The following PLCB1 variants were observed in gnomAD, a reference collection of about 807,000 sequenced individuals.
PLCB1 encodes the protein 1-phosphatidylinositol 4,5-bisphosphate phosphodiesterase beta-1.
A neutral mutation model predicts 161.8 loss-of-function variants in PLCB1; 46 were observed. The observed-to-expected ratio is 0.28, with a 90% CI of 0.22 to 0.36. The LOEUF (loss-of-function observed/expected upper bound fraction) is 0.36, where lower values mean the gene tolerates loss of function less well. Ranked by LOEUF, PLCB1 falls within the 10% of genes least tolerant of loss-of-function variation. The probability of loss-of-function intolerance (pLI) is 1.00; values close to 1 mark genes in which losing one functional copy is unlikely to be tolerated. For missense variants in PLCB1, 1,016 were observed against 1,472.5 expected, an observed-to-expected ratio of 0.69 and a Z score of 5.07; for synonymous variants, 517 against 503.7, an observed-to-expected ratio of 1.03 and a Z score of -0.35.
At chr20:8,275,246 C>CGT (rs1209090719) in intron 2 of PLCB1, among the ~76,000 whole-genome samples, 1 of 50,870 alleles carries the variant, frequency 2.0e-5, no homozygotes, top group Non-Finnish European at 3.8e-5. Context: ...TTTGCATCAG[C>CGT]GTGAGTGTGT....
intron 11 of PLCB1, among the ~76,000 whole-genome samples, chr20:8,706,224 C>G (rs1337073674): frequency 6.6e-6 from 1 of 152,202 alleles, no homozygotes; most frequent in East Asian, 1.9e-4. Flanking sequence ...CATGATGGGT[C>G]TTTAAGACTC....
At chr20:8,140,943 C>A (rs901009084) in intron 1 of PLCB1, among the ~76,000 whole-genome samples, 1 of 152,072 alleles carries the variant, frequency 6.6e-6, no homozygotes, top group African/African-American at 2.4e-5. Context: ...AGATTACAGG[C>A]TTGTGCCACC....
At chr20:8,485,784 T>C (rs1982694613) in intron 3 of PLCB1, among the ~76,000 whole-genome samples, 1 of 152,196 alleles carries the variant, frequency 6.6e-6, no homozygotes, top group African/African-American at 2.4e-5. Context: ...AGGGAAAGCA[T>C]TAAAAATCTA....
At chr20:8,428,072 T>C (rs1979864027) in intron 3 of PLCB1, among the ~76,000 whole-genome samples, 1 of 152,142 alleles carries the variant, frequency 6.6e-6, no homozygotes, top group South Asian at 2.1e-4. Context: ...TTTATAGGGA[T>C]GGTTTCAAAA....
chr20:8,684,106 G>C (rs554768898), intron 9 of PLCB1, among the ~76,000 whole-genome samples: 37 of 152,012 alleles, frequency 2.4e-4, no homozygotes, highest in South Asian at 4.2e-4. Flanking sequence ...GGATGGTCTC[G>C]ATCTCCTGAC....
At chr20:8,332,843 T>C (rs1177257448) in intron 2 of PLCB1, among the ~76,000 whole-genome samples, 1 of 152,226 alleles carries the variant, frequency 6.6e-6, no homozygotes, top group Non-Finnish European at 1.5e-5. Context: ...ATGTATAAGA[T>C]GTGAAAATAG....
At chr20:8,786,231 A>G (rs1983474730) in intron 27 of PLCB1, among the ~76,000 whole-genome samples, 3 of 152,216 alleles carry the variant, frequency 2.0e-5, no homozygotes. Context: ...TCAGCTAAAT[A>G]GAGACGTTGC....
chr20:8,623,177 CTTTA>C (rs1165398959), intron 3 of PLCB1, among the ~76,000 whole-genome samples: 2 of 152,182 alleles, frequency 1.3e-5, no homozygotes, highest in Admixed American at 6.5e-5. Context: ...GCTCCTTTAA[CTTTA>C]TTTATCTCTT....
At chr20:8,504,985 A>G (rs955624038) in intron 3 of PLCB1, among the ~76,000 whole-genome samples, 5 of 151,962 alleles carry the variant, frequency 3.3e-5, no homozygotes, top group Non-Finnish European at 5.9e-5. Context: ...TTCTACCTCA[A>G]CCTCTAGAGT....
chr20:8,778,869 G>T (rs76108842), intron 27 of PLCB1, among the ~76,000 whole-genome samples: 1,838 of 152,260 alleles, frequency 0.012, 43 homozygotes, highest in African/African-American at 0.041. Flanking sequence ...TAGCTGCGAC[G>T]TGTGTGCCAA....
chr20:8,301,934 C>A (rs75582193), intron 2 of PLCB1, among the ~76,000 whole-genome samples: 1,620 of 152,320 alleles, frequency 0.011, 28 homozygotes, highest in African/African-American at 0.036. Context: ...TTTGCTGGTT[C>A]TGTGACTTTG....
At chr20:8,651,824 C>A (rs1174384804) in intron 7 of PLCB1, 3 of 268,438 alleles carry the variant, frequency 1.1e-5, no homozygotes, top group Non-Finnish European at 2.1e-5. Context: ...GCTCGCAAAT[C>A]CCTGAGGCTG....
chr20:8,667,722 C>CAAAAT (rs1989847928), intron 9 of PLCB1, among the ~76,000 whole-genome samples: 1 of 152,152 alleles, frequency 6.6e-6, no homozygotes, highest in Non-Finnish European at 1.5e-5. Flanking sequence ...AAATGCCAGT[C>CAAAAT]CACAGGATAG....
intron 3 of PLCB1, among the ~76,000 whole-genome samples, chr20:8,421,236 G>A (rs902329254): frequency 1.3e-5 from 2 of 152,126 alleles, no homozygotes; most frequent in African/African-American, 4.8e-5. Flanking sequence ...TTGTCCTTAG[G>A]CAATAAATTG....
intron 3 of PLCB1, among the ~76,000 whole-genome samples, chr20:8,599,171 G>A (rs1411804133): frequency 0.021 from 2,012 of 94,252 alleles, no homozygotes; most frequent in South Asian, 0.038. Context: ...TTGCTCGTTA[G>A]TTGATGCAGT....
chr20:8,193,428 AAAAG>A (rs2123112367), intron 2 of PLCB1, among the ~76,000 whole-genome samples: 1 of 152,142 alleles, frequency 6.6e-6, no homozygotes, highest in Admixed American at 6.6e-5. Flanking sequence ...AAGGAGAAGA[AAAAG>A]AGGAGGAGGA....
chr20:8,249,907 A>G (rs1001831551), intron 2 of PLCB1, among the ~76,000 whole-genome samples: 4 of 152,026 alleles, frequency 2.6e-5, no homozygotes, highest in African/African-American at 7.2e-5. Flanking sequence ...CATGCTTCCA[A>G]TGTTACCCAT....
chr20:8,606,469 C>T (rs1319493087), intron 3 of PLCB1, among the ~76,000 whole-genome samples: 6 of 152,102 alleles, frequency 3.9e-5, no homozygotes, highest in African/African-American at 1.2e-4. Context: ...GTGCCTGACA[C>T]GGAATAAACT....
At chr20:8,588,097 A>G (rs1987043468) in intron 3 of PLCB1, among the ~76,000 whole-genome samples, 1 of 152,192 alleles carries the variant, frequency 6.6e-6, no homozygotes, top group African/African-American at 2.4e-5. Context: ...GTTATGGAGG[A>G]TATGATTTAA....
Sources: allele counts gnomAD v4.1 joint callset (sites outside exome capture counted in the v4.1 genomes callset), GRCh38; gene constraint gnomAD v4.1.1; transcripts MANE v1.5; gene names NCBI Gene and HGNC (gene_info 2026-07-23, HGNC 2026-07-21).